The following DAPK1 variants were observed in gnomAD, a reference collection of about 807,000 sequenced individuals.
The protein encoded by DAPK1 is death-associated protein kinase 1.
In DAPK1, 56 loss-of-function variants were observed where a neutral mutation model predicts 144.9. That is an observed-to-expected ratio of 0.39 (90% CI 0.31 to 0.48). The LOEUF (loss-of-function observed/expected upper bound fraction) is 0.48, where lower values mean the gene tolerates loss of function less well. DAPK1 is among the 20% of genes least tolerant of loss of function. The pLI, the probability that DAPK1 is intolerant of heterozygous loss-of-function variation, is 0.95. For missense variants in DAPK1, 1,454 were observed against 1,875.4 expected, an observed-to-expected ratio of 0.78 and a Z score of 4.15; for synonymous variants, 690 against 749.0, an observed-to-expected ratio of 0.92 and a Z score of 1.29.
chr9:87,533,664 T>C (rs78524215), intron 2 of DAPK1, among the ~76,000 whole-genome samples: 4 of 151,648 alleles, frequency 2.6e-5, no homozygotes, highest in African/African-American at 7.3e-5. Flanking sequence ...CTTTTCCTGC[T>C]CTGCCCTGCC....
intron 2 of DAPK1, among the ~76,000 whole-genome samples, chr9:87,551,909 T>C (rs11141877): frequency 0.19 from 29,014 of 152,120 alleles, 4,227 homozygotes; most frequent in African/African-American, 0.39. Context: ...GCAGCAGATG[T>C]GAGTCTCAGA....
intron 17 of DAPK1, among the ~76,000 whole-genome samples, chr9:87,656,159 A>T (rs1190296227): frequency 6.6e-6 from 1 of 152,190 alleles, no homozygotes; most frequent in Non-Finnish European, 1.5e-5. Context: ...GATGGAGAAG[A>T]GGGAAGCCTG....
At chr9:87,638,511 G>T (rs1829980784) in intron 4 of DAPK1, among the ~76,000 whole-genome samples, 1 of 152,234 alleles carries the variant, frequency 6.6e-6, no homozygotes. Context: ...GGCTAATTGG[G>T]GCATTTGCCT....
At chr9:87,644,306 AAAC>A (rs1389455596) in intron 11 of DAPK1, among the ~76,000 whole-genome samples, 4 of 152,192 alleles carry the variant, frequency 2.6e-5, no homozygotes, top group Non-Finnish European at 5.9e-5. Context: ...CCTGACAATC[AAAC>A]AACGGGGCTT....
chr9:87,498,086 G>C lies in DAPK1; in HGVS notation c.-130G>C. The C allele has an allele frequency of 2.5e-6, 1 of 396,642 alleles. No individual in the cohort carries two copies. The highest frequency in any genetic ancestry group is 4.4e-6 in the Non-Finnish European group (1 of 225,058). The allele number at this position is 396,642 out of a possible 1,614,324, so 24.6% of individuals were successfully genotyped here. On this transcript the variant is annotated 5_prime_UTR_variant, in exon 1 of 26. Coordinates refer to ENST00000408954, the MANE Select transcript of DAPK1 (RefSeq NM_004938.4). ...CCTCCGACAGCGCTCCGGAGGGACC[G>C]GGGGAGCTCCCAGGCGCCCGGGTGA... is the stretch of plus-strand genomic sequence containing the variant.
chr9:87,533,265 T>C (rs1403730535), intron 2 of DAPK1, among the ~76,000 whole-genome samples: 1 of 152,262 alleles, frequency 6.6e-6, no homozygotes, highest in Non-Finnish European at 1.5e-5. Context: ...TGAGAAACTG[T>C]TGGGAGAACT....
intron 2 of DAPK1, among the ~76,000 whole-genome samples, chr9:87,603,263 C>T (rs35362662): frequency 0.33 from 50,400 of 152,060 alleles, 10,265 homozygotes; most frequent in Non-Finnish European, 0.46. Flanking sequence ...TGCCACCCTC[C>T]GCCCCACAAT....
chr9:87,560,440 G>A (rs1587719010), intron 2 of DAPK1, among the ~76,000 whole-genome samples: 1 of 152,236 alleles, frequency 6.6e-6, no homozygotes, highest in East Asian at 1.9e-4. Context: ...CACTTCCCCA[G>A]AACTTTCTCA....
intron 17 of DAPK1, among the ~76,000 whole-genome samples, chr9:87,655,489 G>A (rs1283123938): frequency 1.3e-5 from 2 of 152,160 alleles, no homozygotes; most frequent in African/African-American, 2.4e-5. Flanking sequence ...AACTGATTGT[G>A]AGCGTGGGGT....
At chr9:87,651,417 A>T in intron 16 of DAPK1, 110 bp from the exon 17 acceptor site, 1 of 1,029,772 alleles carries the variant, frequency 9.7e-7, no homozygotes, top group Non-Finnish European at 1.5e-6. Flanking sequence ...GGCTTTTAGT[A>T]GTGATCTTGT....
Position 87,582,557 on chromosome 9 carries a change from C to CTTT in DAPK1, c.63-22384_63-22382dup, listed in dbSNP as rs10659497. ...TGGTCACACTTTGCCAATTTTCCTG[C>CTTT]TTTTTTTTTTTTTTTGAGATGGAAT... On this transcript the variant is annotated intron_variant, in intron 2 of 25. Coordinates refer to ENST00000408954, the MANE Select transcript of DAPK1 (RefSeq NM_004938.4). Among the ~76,000 whole-genome samples the CTTT allele has an allele frequency of 1.9e-3, 270 of 139,490 alleles. 23 individuals are homozygous for CTTT. Among genetic ancestry groups the CTTT allele is most frequent in the Non-Finnish European group, 2.1e-3 (139 of 64,818 alleles). The allele number at this position is 139,490 out of a possible 152,430, so 91.5% of individuals were successfully genotyped here. A position where few individuals can be genotyped will look rare whatever the true frequency, so the allele number is the denominator to read the frequency against.
intron 18 of DAPK1, among the ~76,000 whole-genome samples, chr9:87,658,964 G>T (rs1046460687): frequency 1.4e-4 from 21 of 152,324 alleles, no homozygotes; most frequent in African/African-American, 4.8e-4. Flanking sequence ...GCCATATCCC[G>T]CTGCTGGTCT....
chr9:87,540,697 A>G (rs1826019999), intron 2 of DAPK1, among the ~76,000 whole-genome samples: 1 of 152,190 alleles, frequency 6.6e-6, no homozygotes, highest in African/African-American at 2.4e-5. Flanking sequence ...TGCCAAGATA[A>G]ATAATTATAA....
chr9:87,581,039 A>T (rs1417636949), intron 2 of DAPK1, among the ~76,000 whole-genome samples: 1 of 152,222 alleles, frequency 6.6e-6, no homozygotes, highest in Non-Finnish European at 1.5e-5. Context: ...CGCGTGACCC[A>T]GTTAGATAGC....
chr9:87,570,492 A>G (rs1464589879), intron 2 of DAPK1, among the ~76,000 whole-genome samples: 2 of 152,232 alleles, frequency 1.3e-5, no homozygotes. Context: ...CCAGGTTGGG[A>G]CAGGAGCTTT....
chr9:87,633,281 G>T (rs1266580566), intron 3 of DAPK1: 2 of 984,530 alleles, frequency 2.0e-6, no homozygotes, highest in East Asian at 2.3e-4. Flanking sequence ...GGGATGAAGG[G>T]GGATGGGTAT....
chr9:87,674,877 T>G (rs1363174272), intron 19 of DAPK1, among the ~76,000 whole-genome samples: 1 of 152,132 alleles, frequency 6.6e-6, no homozygotes, highest in Non-Finnish European at 1.5e-5. Context: ...AAGTAGAAAC[T>G]AGGAGATTTA....
At chr9:87,500,463 G>C (rs948023744) in intron 2 of DAPK1, among the ~76,000 whole-genome samples, 1 of 152,104 alleles carries the variant, frequency 6.6e-6, no homozygotes, top group Non-Finnish European at 1.5e-5. Context: ...AGTGGTATTT[G>C]GAGTTTTCCT....
chr9:87,613,836 A>G (rs7021218), intron 3 of DAPK1, among the ~76,000 whole-genome samples: 104 of 152,242 alleles, frequency 6.8e-4, no homozygotes, highest in African/African-American at 2.4e-3. Flanking sequence ...GACTTCCTCA[A>G]TGCGTTCTTT....
Sources: allele counts gnomAD v4.1 joint callset (sites outside exome capture counted in the v4.1 genomes callset), GRCh38; gene constraint gnomAD v4.1.1; transcripts MANE v1.5; gene names NCBI Gene and HGNC (gene_info 2026-07-23, HGNC 2026-07-21).